The following MALL variants were observed in gnomAD, a reference collection of about 807,000 sequenced individuals.
MALL encodes mal, T cell differentiation protein like.
MALL carries 2 observed loss-of-function variants against 10.3 expected under a neutral mutation model. That is an observed-to-expected ratio of 0.19 (90% confidence interval 0.08 to 0.61). MALL has a LOEUF of 0.61. Ranked by LOEUF, MALL falls within the 20% of genes least tolerant of loss-of-function variation. The pLI is 0.88. For synonymous variants in MALL, 27 were observed against 51.8 expected (o/e 0.52, Z 2.05); for missense variants, 39 against 115.2 (o/e 0.34, Z 3.03).
upstream of MALL, among the ~76,000 whole-genome samples, chr2:110,117,820 T>A (rs1038828434): frequency 6.6e-6 from 1 of 152,008 alleles, no homozygotes; most frequent in Non-Finnish European, 1.5e-5. Context: ...AAGGAAAGAA[T>A]AAACAAACAA....
At chr2:110,099,215 C>A (rs1413185466) in intron 1 of MALL, among the ~76,000 whole-genome samples, 1 of 152,070 alleles carries the variant, frequency 6.6e-6, no homozygotes, top group Non-Finnish European at 1.5e-5. Context: ...GAAAAGGACA[C>A]CTTACAGCAC....
intron 1 of MALL, chr2:110,097,590 C>A (rs562298114): frequency 1.3e-5 from 6 of 455,794 alleles, no homozygotes; most frequent in South Asian, 9.3e-5. Context: ...CAGACGCTGC[C>A]TGAGTAATGA....
chr2:110,092,485 C>T (rs941744327), intron 1 of MALL, among the ~76,000 whole-genome samples: 2 of 53,502 alleles, frequency 3.7e-5, no homozygotes, highest in African/African-American at 9.5e-5. Context: ...CTGCCATAAA[C>T]ATTGCAAATA....
intron 1 of MALL, among the ~76,000 whole-genome samples, chr2:110,105,413 C>G (rs1023516809): frequency 4.6e-5 from 7 of 152,202 alleles, no homozygotes; most frequent in Non-Finnish European, 1.0e-4. Flanking sequence ...AGGGGACATC[C>G]TTGGCCATTA....
At chr2:110,115,614 G>T in intron 1 of MALL, 74 bp downstream of exon 1, 4 of 830,032 alleles carry the variant, frequency 4.8e-6, no homozygotes, top group South Asian at 5.6e-5. Context: ...CTCTCTTCTC[G>T]GTCCGGTCTG....
At chr2:110,096,313 T>C (rs1678438780) in intron 1 of MALL, among the ~76,000 whole-genome samples, 1 of 152,150 alleles carries the variant, frequency 6.6e-6, no homozygotes, top group Admixed American at 6.5e-5. Flanking sequence ...ATGCAGCGCC[T>C]TTCCTCCTGG....
chr2:110,112,465 C>T (rs1200434191), intron 1 of MALL, among the ~76,000 whole-genome samples: 2 of 151,560 alleles, frequency 1.3e-5, no homozygotes, highest in African/African-American at 4.9e-5. Context: ...TACAAATGGC[C>T]AACAAACATG....
chr2:110,101,450 G>A (rs1031121707), intron 1 of MALL, among the ~76,000 whole-genome samples: 1 of 152,170 alleles, frequency 6.6e-6, no homozygotes, highest in African/African-American at 2.4e-5. Context: ...GTGAGGGCCA[G>A]GTCTCATCTC....
chr2:110,100,186 G>A (rs981662295), intron 1 of MALL, among the ~76,000 whole-genome samples: 4 of 152,076 alleles, frequency 2.6e-5, no homozygotes, highest in African/African-American at 9.7e-5. Flanking sequence ...CCAGCATTAA[G>A]AACTGAAGCC....
intron 1 of MALL, among the ~76,000 whole-genome samples, chr2:110,107,085 A>AGGGGGGGGGGGGGGG (rs1678712806): frequency 1.1e-4 from 1 of 9,344 alleles, no homozygotes; most frequent in Admixed American, 1.0e-3. Context: ...AGGGCAGGGT[A>AGGGGGGGGGGGGGGG]GGGGGTGCAC....
intron 1 of MALL, among the ~76,000 whole-genome samples, chr2:110,104,008 C>T (rs1290602550): frequency 5.3e-5 from 8 of 152,112 alleles, no homozygotes; most frequent in African/African-American, 1.7e-4. Flanking sequence ...GAAGTGGGGG[C>T]TTCCTGCTGC....
chr2:110,097,926 C>G (rs988882157), intron 1 of MALL, among the ~76,000 whole-genome samples: 2 of 152,024 alleles, frequency 1.3e-5, no homozygotes, highest in African/African-American at 4.8e-5. Context: ...AAACTTCAGG[C>G]TGAGAGAAAA....
intron 1 of MALL, among the ~76,000 whole-genome samples, chr2:110,111,149 G>A (rs1374801793): frequency 6.6e-6 from 1 of 152,052 alleles, no homozygotes; most frequent in Non-Finnish European, 1.5e-5. Context: ...TTCCCTCTGA[G>A]AACTGAAACA....
chr2:110,118,061 T>C (rs1490846524), upstream of MALL, among the ~76,000 whole-genome samples: 1 of 151,982 alleles, frequency 6.6e-6, no homozygotes, highest in Non-Finnish European at 1.5e-5. Flanking sequence ...TTCCCAAATA[T>C]TCCTGCTCCT....
At chr2:110,101,196 G>A (rs1457196863) in intron 1 of MALL, among the ~76,000 whole-genome samples, 4 of 152,144 alleles carry the variant, frequency 2.6e-5, no homozygotes, top group Non-Finnish European at 5.9e-5. Context: ...ACAGGAGGAT[G>A]CTGGCTTTAA....
At chr2:110,115,890 A>T, upstream of MALL, 58 of 340,642 alleles carry the variant, frequency 1.7e-4, no homozygotes, top group South Asian at 3.6e-4. Context: ...GTCGCCTGGG[A>T]GGGAAAAAAA....
chr2:110,098,648 C>T (rs1241686057), intron 1 of MALL, among the ~76,000 whole-genome samples: 1 of 152,170 alleles, frequency 6.6e-6, no homozygotes, highest in Admixed American at 6.5e-5. Context: ...CACCTTTTGG[C>T]TATTGTGAAT....
chr2:110,117,549 C>G (rs1678941381), upstream of MALL, among the ~76,000 whole-genome samples: 1 of 144,690 alleles, frequency 6.9e-6, no homozygotes. Context: ...CTCTGCTGTG[C>G]ATCTCTTCTG....
intron 1 of MALL, among the ~76,000 whole-genome samples, chr2:110,105,838 A>AG (rs1678675685): frequency 6.6e-6 from 1 of 152,124 alleles, no homozygotes; most frequent in Non-Finnish European, 1.5e-5. Context: ...AGTTGGCCCT[A>AG]GGGGGCTCCC....
Sources: allele counts gnomAD v4.1 joint callset (sites outside exome capture counted in the v4.1 genomes callset), GRCh38; gene constraint gnomAD v4.1.1; transcripts MANE v1.5; gene names NCBI Gene and HGNC (gene_info 2026-07-23, HGNC 2026-07-21).